The following SMARCA2 variants were observed in gnomAD, a reference collection of about 807,000 sequenced individuals.
The protein encoded by SMARCA2 is SWI/SNF-related matrix-associated actin-dependent regulator of chromatin subfamily A member 2.
In SMARCA2, 61 loss-of-function variants were observed where a neutral mutation model predicts 199.8. The observed-to-expected ratio is 0.31, with a 90% confidence interval of 0.25 to 0.38. The LOEUF is 0.38. Among genes scored for constraint, SMARCA2 ranks in the 10% least tolerant of loss-of-function variants. The pLI, the probability that SMARCA2 is intolerant of heterozygous loss-of-function variation, is 1.00. For synonymous variants in SMARCA2, 935 were observed against 732.0 expected (o/e 1.28, Z -4.48); for missense variants, 1,344 against 2,012.2 (o/e 0.67, Z 6.35).
At chr9:2,029,488 G>A (rs1818969884) in intron 2 of SMARCA2, among the ~76,000 whole-genome samples, 1 of 152,210 alleles carries the variant, frequency 6.6e-6, no homozygotes, top group Non-Finnish European at 1.5e-5. Flanking sequence ...ATGCAGTTCT[G>A]ATAAGTAGAT....
chr9:2,059,471 C>T (rs541363052), intron 8 of SMARCA2, among the ~76,000 whole-genome samples: 2 of 152,146 alleles, frequency 1.3e-5, no homozygotes, highest in East Asian at 1.9e-4. Context: ...CTGACTAGAC[C>T]GTTTTTGTAG....
rs557165891 is a variant in SMARCA2 at position 2,161,100 on chromosome 9, G to A, written c.3982-586G>A. ...GTTCTTTATCGAATGATTTAAGTGC[G>A]TTTACCAAGGAATGTGGCTTTGTAC... is the stretch of plus-strand genomic sequence containing the variant. On this transcript the variant is annotated intron_variant, in intron 27 of 33. Coordinates refer to ENST00000349721, the MANE Select transcript of SMARCA2 (RefSeq NM_003070.5). The surrounding 1 kb of genome is among the most constrained non-coding windows in gnomAD (Gnocchi z 4.7). 2.2e-4 allele frequency: 35 copies of A among 155,642 alleles called. No individual in the cohort carries two copies. The South Asian group carries it at 6.5e-3, about 29-fold the overall frequency. The allele number at this position is 155,642 out of a possible 1,614,324, so 9.6% of individuals were successfully genotyped here. A position where few individuals can be genotyped will look rare whatever the true frequency, so the allele number is the denominator to read the frequency against.
At position 2,123,939 on chromosome 9, in the gene SMARCA2, TA is replaced by T; in HGVS notation, c.3981+4del. On this transcript the variant is annotated splice_donor_region_variant and intron_variant, in intron 27 of 33. Coordinates refer to ENST00000349721, the MANE Select transcript of SMARCA2 (RefSeq NM_003070.5). This position sits in a 1 kb window ranked among gnomAD's most constrained non-coding sequence, Gnocchi z 4.1. ...CTCACGGAGAAGCAGTGGCTAAGGG[TA>T]AGCCTAGCTTTTCTAACCCGCTCTC... is the stretch of plus-strand genomic sequence containing the variant. 6.4e-7 allele frequency: 1 copy of T among 1,558,666 alleles called. No homozygotes were observed. The highest frequency in any genetic ancestry group is 8.7e-7 in the Non-Finnish European group (1 of 1,150,934).
intron 27 of SMARCA2, chr9:2,159,589 A>C (rs1284276535): frequency 4.6e-6 from 2 of 439,194 alleles, no homozygotes; most frequent in Middle Eastern, 6.4e-4. Flanking sequence ...TCTGAGCTAA[A>C]ATCTCTAATT....
chr9:2,182,911 C>T (rs1586808611), intron 31 of SMARCA2, among the ~76,000 whole-genome samples: 2 of 152,270 alleles, frequency 1.3e-5, no homozygotes, highest in Admixed American at 1.3e-4. Context: ...CTGCCTTAGC[C>T]TCCTGAGTAG....
intron 27 of SMARCA2, among the ~76,000 whole-genome samples, chr9:2,157,164 G>A (rs1465743718): frequency 1.3e-5 from 2 of 152,144 alleles, no homozygotes; most frequent in South Asian, 2.1e-4. Flanking sequence ...TATTTATATT[G>A]TAAGAAAATC....
rs1821315587 is a variant in SMARCA2 at position 2,076,169 on chromosome 9, C to G, written c.1936-60C>G. On this transcript the variant is annotated intron_variant, in intron 12 of 33. Transcript: ENST00000349721. ...TAGTTTATGTCTTTTCAGAAAATGT[C>G]AATCATAGAGATTTCCTTGTTAAAA... 7 of 933,304 alleles carry G rather than the reference C, an allele frequency of 7.5e-6. No individual in the cohort carries two copies. In the Admixed American group the frequency reaches 7.6e-5, roughly 10 times the overall value. 57.8% of individuals were successfully genotyped at this position (933,304 alleles called of 1,614,324 possible). A position where few individuals can be genotyped will look rare whatever the true frequency, so the allele number is the denominator to read the frequency against.
intron 3 of SMARCA2, among the ~76,000 whole-genome samples, chr9:2,034,437 T>A (rs1421976303): frequency 6.6e-6 from 1 of 152,166 alleles, no homozygotes; most frequent in Non-Finnish European, 1.5e-5. Flanking sequence ...GTGAAAACTA[T>A]TCACGTACCT....
At chr9:2,182,478 C>CTTTTTTTTTT (rs145095906) in intron 31 of SMARCA2, among the ~76,000 whole-genome samples, 16 of 96,736 alleles carry the variant, frequency 1.7e-4, no homozygotes, top group Non-Finnish European at 2.2e-4. Flanking sequence ...AGCTTATAGT[C>CTTTTTTTTTT]TTTTTTTTTT....
intron 28 of SMARCA2, among the ~76,000 whole-genome samples, chr9:2,166,019 T>A (rs939677331): frequency 6.6e-6 from 1 of 152,188 alleles, no homozygotes; most frequent in Non-Finnish European, 1.5e-5. Flanking sequence ...TCTAAACACA[T>A]CACCGTTTCC....
chr9:2,065,655 A>C (rs1586665887), intron 9 of SMARCA2, among the ~76,000 whole-genome samples: 1 of 152,200 alleles, frequency 6.6e-6, no homozygotes, highest in African/African-American at 2.4e-5. Context: ...AAGCAGTAAT[A>C]TTGAGACATT....
chr9:2,151,122 A>G (rs986669361), intron 27 of SMARCA2, among the ~76,000 whole-genome samples: 5 of 151,512 alleles, frequency 3.3e-5, no homozygotes, highest in African/African-American at 1.2e-4. Context: ...CACTATGTAC[A>G]TGACACATGT....
intron 22 of SMARCA2, among the ~76,000 whole-genome samples, chr9:2,103,090 C>A (rs149046261): frequency 6.6e-6 from 1 of 152,062 alleles, no homozygotes; most frequent in African/African-American, 2.4e-5. Flanking sequence ...CACCTGGATG[C>A]CTTTTTACTC....
intron 12 of SMARCA2, among the ~76,000 whole-genome samples, chr9:2,073,964 C>T (rs1176788441): frequency 6.6e-6 from 1 of 152,188 alleles, no homozygotes; most frequent in Non-Finnish European, 1.5e-5. Flanking sequence ...TACCATACCT[C>T]TAAGTGGTTC....
At chr9:2,176,825 G>A (rs772689870) in intron 29 of SMARCA2, among the ~76,000 whole-genome samples, 18 of 152,040 alleles carry the variant, frequency 1.2e-4, no homozygotes, top group African/African-American at 1.7e-4. Context: ...CCCATAGGGC[G>A]GGGATTGCAG....
At chr9:2,074,383 G>T (rs917957373) in intron 12 of SMARCA2, among the ~76,000 whole-genome samples, 7 of 152,160 alleles carry the variant, frequency 4.6e-5, no homozygotes, top group Non-Finnish European at 1.0e-4. Context: ...TTTTGAGAGT[G>T]CCGTAGTATA....
chr9:2,084,392 G>C lies in SMARCA2; in HGVS notation c.2526+196G>C, dbSNP rs1033179779. On this transcript the variant is annotated intron_variant, in intron 17 of 33. Coordinates refer to ENST00000349721, the MANE Select transcript of SMARCA2 (RefSeq NM_003070.5). The stretch of plus-strand genomic sequence containing the variant: ...ATGCTGTGTGTGTGTGTGTGTGTGT[G>C]TGTGTGTGTGTGTGTGTGTGTGTGT... Among the ~76,000 whole-genome samples the C allele has an allele frequency of 4.6e-5, 7 of 151,100 alleles. No homozygotes were observed. In the East Asian group the frequency reaches 9.7e-4, roughly 21 times the overall value.
At chr9:2,103,911 C>T (rs1822641559) in intron 22 of SMARCA2, 92 bp from the exon 23 acceptor site, 1 of 1,040,880 alleles carries the variant, frequency 9.6e-7, no homozygotes. Context: ...TTACAGTGTA[C>T]AAAGGACTAT....
chr9:2,175,581 C>G (rs1307091041), intron 29 of SMARCA2, among the ~76,000 whole-genome samples: 1 of 152,058 alleles, frequency 6.6e-6, no homozygotes, highest in Non-Finnish European at 1.5e-5. Context: ...GTCCTATGAT[C>G]CTTAAACGTA....
Sources: allele counts gnomAD v4.1 joint callset (sites outside exome capture counted in the v4.1 genomes callset), GRCh38; gene constraint gnomAD v4.1.1; non-coding constraint Gnocchi (gnomAD v3.1); transcripts MANE v1.5; gene names NCBI Gene and HGNC (gene_info 2026-07-23, HGNC 2026-07-21).